Variants in ZNF385B observed in about 807,000 individuals in gnomAD.
The protein encoded by ZNF385B is zinc finger protein 385B, also known as zinc finger protein 533.
Under a neutral mutation model 39.2 loss-of-function variants are expected in ZNF385B, and 23 were observed. The ratio of observed to expected loss-of-function variants is 0.59; its 90% CI spans 0.42 to 0.83. The LOEUF is 0.83. Ranked by LOEUF, ZNF385B falls within the 40% of genes least tolerant of loss-of-function variation. ZNF385B has a pLI of 0.00. For missense variants in ZNF385B, 552 were observed against 598.9 expected, an observed-to-expected ratio of 0.92 and a Z score of 0.82; for synonymous variants, 205 against 222.6, an observed-to-expected ratio of 0.92 and a Z score of 0.70.
At chr2:179,801,353 T>A (rs951331214) in intron 1 of ZNF385B, among the ~76,000 whole-genome samples, 4 of 152,162 alleles carry the variant, frequency 2.6e-5, no homozygotes, top group African/African-American at 7.2e-5. Context: ...TAGGCTCCAA[T>A]GACAAATGTT....
intron 3 of ZNF385B, among the ~76,000 whole-genome samples, chr2:179,653,159 C>CTG (rs1422259177): frequency 6.6e-6 from 1 of 152,152 alleles, no homozygotes; most frequent in Non-Finnish European, 1.5e-5. Context: ...TCATGGCTGG[C>CTG]TGTGACACAT....
intron 3 of ZNF385B, among the ~76,000 whole-genome samples, chr2:179,649,487 T>C (rs999735985): frequency 1.3e-5 from 2 of 152,216 alleles, no homozygotes; most frequent in African/African-American, 4.8e-5. Context: ...AAAAAGCTTA[T>C]TGGTTCTATA....
chr2:179,636,743 C>T (rs1163368012), intron 3 of ZNF385B, among the ~76,000 whole-genome samples: 3 of 152,112 alleles, frequency 2.0e-5, no homozygotes, highest in Non-Finnish European at 2.9e-5. Context: ...CTTCCTATCT[C>T]GAATGTTTTG....
intron 1 of ZNF385B, among the ~76,000 whole-genome samples, chr2:179,818,554 C>T (rs946398011): frequency 4.6e-5 from 7 of 152,156 alleles, no homozygotes; most frequent in Admixed American, 6.5e-5. Context: ...ATTAATCTCT[C>T]GCTAGAGTGT....
chr2:179,671,290 T>C (rs1028836505), intron 3 of ZNF385B, among the ~76,000 whole-genome samples: 5 of 152,216 alleles, frequency 3.3e-5, no homozygotes, highest in African/African-American at 1.2e-4. Context: ...AAAAATATTC[T>C]CTTTTTCTGA....
chr2:179,548,369 G>A (rs1484094372), intron 3 of ZNF385B, among the ~76,000 whole-genome samples: 1 of 148,894 alleles, frequency 6.7e-6, no homozygotes, highest in Non-Finnish European at 1.5e-5. Flanking sequence ...GTAACTGCTG[G>A]TGCAGGTAGC....
chr2:179,695,784 G>A (rs146160647), intron 3 of ZNF385B, among the ~76,000 whole-genome samples: 1 of 152,312 alleles, frequency 6.6e-6, no homozygotes, highest in Non-Finnish European at 1.5e-5. Flanking sequence ...ACAAAAGCTT[G>A]TATGCAATTG....
intron 3 of ZNF385B, among the ~76,000 whole-genome samples, chr2:179,645,852 G>T (rs1360318098): frequency 6.6e-6 from 1 of 152,182 alleles, no homozygotes; most frequent in Non-Finnish European, 1.5e-5. Flanking sequence ...CGAAGGGCAG[G>T]CCTTGTGAAA....
chr2:179,478,046 T>C (rs1265366091), intron 6 of ZNF385B, among the ~76,000 whole-genome samples: 1 of 152,178 alleles, frequency 6.6e-6, no homozygotes, highest in Non-Finnish European at 1.5e-5. Context: ...CACAGAAGTT[T>C]AGAAGTAATT....
At chr2:179,782,298 A>C (rs1704715015) in intron 1 of ZNF385B, among the ~76,000 whole-genome samples, 1 of 152,210 alleles carries the variant, frequency 6.6e-6, no homozygotes, top group African/African-American at 2.4e-5. Flanking sequence ...TTCATGTTAA[A>C]AACCTGCAAT....
At chr2:179,758,198 C>G (rs958689966) in intron 3 of ZNF385B, among the ~76,000 whole-genome samples, 4 of 152,170 alleles carry the variant, frequency 2.6e-5, no homozygotes, top group Non-Finnish European at 4.4e-5. Flanking sequence ...GGCATTGTGT[C>G]TTAGGCCATT....
At chr2:179,492,798 G>A (rs942244854) in intron 5 of ZNF385B, among the ~76,000 whole-genome samples, 1 of 151,990 alleles carries the variant, frequency 6.6e-6, no homozygotes, top group Non-Finnish European at 1.5e-5. Flanking sequence ...TAAATGTGAA[G>A]ACTAATAACA....
At chr2:179,710,938 C>T (rs1031262303) in intron 3 of ZNF385B, among the ~76,000 whole-genome samples, 2 of 152,132 alleles carry the variant, frequency 1.3e-5, no homozygotes, top group East Asian at 1.9e-4. Flanking sequence ...AATTGCACCT[C>T]GTGTAGTGAG....
intron 3 of ZNF385B, among the ~76,000 whole-genome samples, chr2:179,578,160 G>T (rs529196008): frequency 1.3e-5 from 2 of 152,160 alleles, no homozygotes; most frequent in South Asian, 4.1e-4. Flanking sequence ...AAGTACTATA[G>T]ACTTCCATTC....
chr2:179,629,110 G>A (rs2106184107), intron 3 of ZNF385B, among the ~76,000 whole-genome samples: 1 of 152,114 alleles, frequency 6.6e-6, no homozygotes. Flanking sequence ...GTATATTCCA[G>A]GCTCTTATAA....
chr2:179,592,828 T>C (rs1320827131), intron 3 of ZNF385B, among the ~76,000 whole-genome samples: 1 of 152,196 alleles, frequency 6.6e-6, no homozygotes, highest in Non-Finnish European at 1.5e-5. Context: ...ACTTTATTTC[T>C]CTGTGTCTTT....
chr2:179,813,284 T>A (rs1371610487), intron 1 of ZNF385B, among the ~76,000 whole-genome samples: 2 of 152,232 alleles, frequency 1.3e-5, no homozygotes, highest in African/African-American at 4.8e-5. Context: ...CTGTCCCCAA[T>A]GTATTAAATA....
chr2:179,627,638 T>C lies in ZNF385B; in HGVS notation c.299-82669A>G, dbSNP rs368171803. 2.4e-4 allele frequency among the ~76,000 whole-genome samples: 37 copies of C among 152,316 alleles called. 1 individual carries two copies. Among genetic ancestry groups the C allele is most frequent in the African/African-American group, 8.7e-4 (36 of 41,562 alleles). Reference sequence around the variant, plus strand: ...CAACTCCACATTCCACGAGGTCCCATCAATAGCTTGAAATCAGCCTTGGTG... The same window carrying C: ...CAACTCCACATTCCACGAGGTCCCACCAATAGCTTGAAATCAGCCTTGGTG... On this transcript the variant is annotated intron_variant, in intron 3 of 9. Transcript: ENST00000410066.
intron 3 of ZNF385B, among the ~76,000 whole-genome samples, chr2:179,666,904 T>C (rs1225911440): frequency 6.6e-6 from 1 of 152,216 alleles, no homozygotes; most frequent in Non-Finnish European, 1.5e-5. Flanking sequence ...GTAGCTGTTG[T>C]TGTTGTTTTT....
Sources: allele counts gnomAD v4.1 joint callset (sites outside exome capture counted in the v4.1 genomes callset), GRCh38; gene constraint gnomAD v4.1.1; transcripts MANE v1.5; gene names NCBI Gene and HGNC (gene_info 2026-07-23, HGNC 2026-07-21).